DOCK9: variants seen among roughly 807,000 people sequenced by gnomAD.
DOCK9 encodes the protein dedicator of cytokinesis 9.
A neutral mutation model predicts 263.3 loss-of-function variants in DOCK9; 89 were observed. The observed-to-expected ratio is 0.34, with a 90% CI of 0.28 to 0.40. The LOEUF (loss-of-function observed/expected upper bound fraction) is 0.40. DOCK9 is among the 10% of genes least tolerant of loss of function. DOCK9 has a pLI of 1.00. For missense variants in DOCK9, 2,140 were observed against 2,603.4 expected (o/e 0.82, Z 3.87); for synonymous variants, 976 against 973.1 (o/e 1.00, Z -0.06).
chr13:98,894,299 T>A lies in DOCK9; in HGVS notation c.1709+3189A>T, dbSNP rs540588096. Among the ~76,000 whole-genome samples the A allele has an allele frequency of 2.6e-4, 39 of 152,324 alleles. 1 individual carries two copies. Among genetic ancestry groups the A allele is most frequent in the Admixed American group, 2.4e-3 (37 of 15,306 alleles). ...AAAGTGTTAGTTTTTTAAAAGTTCA[T>A]ATAAAAATGACAGAATGTTATAAAG... On this transcript the variant is annotated intron_variant, in intron 15 of 52. Coordinates refer to ENST00000682017, the MANE Select transcript of DOCK9 (RefSeq NM_001366683.2).
chr13:98,925,813 A>G (rs2052850126), intron 4 of DOCK9, 24 bp downstream of exon 4: 1 of 1,484,816 alleles, frequency 6.7e-7, no homozygotes, highest in Non-Finnish European at 9.1e-7. Context: ...ACTTTTCCCT[A>G]TGTGTATAAT....
intron 1 of DOCK9, among the ~76,000 whole-genome samples, chr13:99,057,033 T>G (rs1467691735): frequency 6.6e-6 from 1 of 152,094 alleles, no homozygotes; most frequent in Non-Finnish European, 1.5e-5. Context: ...ATTCCTACCA[T>G]GTAGACTAGA....
intron 1 of DOCK9, among the ~76,000 whole-genome samples, chr13:99,025,839 T>C (rs1004669415): frequency 3.3e-5 from 5 of 152,102 alleles, no homozygotes; most frequent in Non-Finnish European, 7.4e-5. Flanking sequence ...CAGAATACAA[T>C]GAAATATTAT....
At chr13:98,960,496 A>G (rs1394677150) in intron 1 of DOCK9, among the ~76,000 whole-genome samples, 2 of 152,316 alleles carry the variant, frequency 1.3e-5, no homozygotes, top group East Asian at 3.9e-4. Flanking sequence ...TTATCTGTGA[A>G]CATTCATTCC....
At chr13:99,087,627 T>C (rs767373189), upstream of DOCK9, among the ~76,000 whole-genome samples, 1 of 151,332 alleles carries the variant, frequency 6.6e-6, no homozygotes, top group Non-Finnish European at 1.5e-5. Flanking sequence ...GCTCCGTTTC[T>C]GTCTCTCTGA....
chr13:98,999,316 ACTCTCT>A (rs903855891), intron 1 of DOCK9, among the ~76,000 whole-genome samples: 1 of 138,292 alleles, frequency 7.2e-6, no homozygotes, highest in African/African-American at 2.8e-5. Context: ...ACACACACAC[ACTCTCT>A]CTCTCTCTCT....
chr13:98,935,298 A>G (rs2054632116), intron 2 of DOCK9, among the ~76,000 whole-genome samples: 2 of 152,236 alleles, frequency 1.3e-5, no homozygotes, highest in African/African-American at 2.4e-5. Context: ...ATAAATAAAT[A>G]TATCCATTAA....
intron 2 of DOCK9, among the ~76,000 whole-genome samples, chr13:98,951,264 C>T (rs1407164871): frequency 1.3e-5 from 2 of 152,240 alleles, no homozygotes; most frequent in African/African-American, 2.4e-5. Flanking sequence ...TTACCTACTT[C>T]TGCCAAACCA....
intron 46 of DOCK9, 142 bp from the exon 47 acceptor site, chr13:98,809,607 A>G: frequency 1.5e-6 from 1 of 675,028 alleles, no homozygotes; most frequent in Non-Finnish European, 2.5e-6. Context: ...CACAACTTGT[A>G]GTGATCATTA....
intron 1 of DOCK9, chr13:99,086,135 C>T: frequency 7.2e-7 from 1 of 1,384,234 alleles, no homozygotes; most frequent in Non-Finnish European, 9.3e-7. Context: ...CTGCCTCAGC[C>T]CTGCCGACTA....
intron 2 of DOCK9, among the ~76,000 whole-genome samples, chr13:98,952,486 C>T (rs1232944624): frequency 1.3e-5 from 2 of 152,208 alleles, no homozygotes; most frequent in Admixed American, 6.5e-5. Flanking sequence ...CTGCCCACCT[C>T]GGCCTCCCAA....
intron 1 of DOCK9, among the ~76,000 whole-genome samples, chr13:99,056,835 CT>C (rs1691684082): frequency 6.6e-6 from 1 of 152,226 alleles, no homozygotes; most frequent in Non-Finnish European, 1.5e-5. Flanking sequence ...GGAGCAGCTC[CT>C]CGCCCTGAGG....
chr13:99,086,161 G>A, intron 1 of DOCK9: 2 of 1,417,404 alleles, frequency 1.4e-6, no homozygotes, highest in Non-Finnish European at 9.2e-7. Flanking sequence ...CGCCCGGCCC[G>A]GGGCCCGCAG....
At chr13:99,012,429 C>A (rs1348891018) in intron 1 of DOCK9, among the ~76,000 whole-genome samples, 1 of 152,100 alleles carries the variant, frequency 6.6e-6, no homozygotes, top group East Asian at 1.9e-4. Context: ...ACATTCCCTC[C>A]ACAAAGGCTT....
intron 7 of DOCK9, among the ~76,000 whole-genome samples, chr13:98,918,944 A>C (rs1344031439): frequency 2.0e-5 from 3 of 152,162 alleles, no homozygotes; most frequent in Non-Finnish European, 2.9e-5. Flanking sequence ...AGGAGCTAAA[A>C]TCCGATCTAC....
At chr13:98,915,245 C>T in intron 8 of DOCK9, 84 bp downstream of exon 8, 2 of 1,368,128 alleles carry the variant, frequency 1.5e-6, no homozygotes, top group Non-Finnish European at 2.0e-6. Context: ...TTGTGTAACA[C>T]AGGTCTCCTT....
chr13:98,892,352 C>A (rs552386174), intron 15 of DOCK9, among the ~76,000 whole-genome samples: 7 of 152,130 alleles, frequency 4.6e-5, no homozygotes, highest in African/African-American at 1.7e-4. Context: ...TTTCTGCAGC[C>A]GGTCTTCCCT....
intron 39 of DOCK9, among the ~76,000 whole-genome samples, chr13:98,837,050 C>T (rs957203540): frequency 1.3e-5 from 2 of 151,608 alleles, no homozygotes; most frequent in Non-Finnish European, 1.5e-5. Context: ...ATCTCCAAAA[C>T]GTTTTTATCA....
intron 2 of DOCK9, among the ~76,000 whole-genome samples, chr13:98,933,545 G>A (rs1468127418): frequency 6.6e-6 from 1 of 152,078 alleles, no homozygotes; most frequent in Non-Finnish European, 1.5e-5. Flanking sequence ...TCCTAACCTT[G>A]ATGTTAACAA....
Sources: gnomAD v4.1 joint callset for allele counts (sites outside exome capture counted in the v4.1 genomes callset) on GRCh38, gnomAD v4.1.1 for gene constraint, MANE v1.5 for transcripts, NCBI Gene and HGNC (gene_info 2026-07-23, HGNC 2026-07-21) for gene names.